Variants in ATRNL1 observed in about 807,000 individuals in gnomAD.
ATRNL1 encodes attractin like 1.
In ATRNL1, 95 loss-of-function variants were observed where a neutral mutation model predicts 182.7. The ratio of observed to expected loss-of-function variants is 0.52; its 90% CI spans 0.44 to 0.62. The LOEUF (loss-of-function observed/expected upper bound fraction) is 0.62. ATRNL1 is among the 20% of genes least tolerant of loss of function. The pLI is 0.00. For synonymous variants in ATRNL1, 576 were observed against 568.3 expected (o/e 1.01, Z -0.19); for missense variants, 1,471 against 1,679.5 (o/e 0.88, Z 2.17).
At chr10:115,122,895 T>G (rs782629731) in intron 3 of ATRNL1, among the ~76,000 whole-genome samples, 16 of 152,178 alleles carry the variant, frequency 1.1e-4, no homozygotes, top group Non-Finnish European at 2.1e-4. Context: ...TAAGATAATT[T>G]ATTGTAACAA....
At chr10:115,599,893 G>A (rs1463978789) in intron 26 of ATRNL1, among the ~76,000 whole-genome samples, 2 of 152,128 alleles carry the variant, frequency 1.3e-5, no homozygotes, top group African/African-American at 2.4e-5. Context: ...TTGGACAAAT[G>A]TATGTATCCA....
chr10:115,700,516 T>C (rs1239073230), intron 26 of ATRNL1, among the ~76,000 whole-genome samples: 1 of 152,180 alleles, frequency 6.6e-6, no homozygotes, highest in Non-Finnish European at 1.5e-5. Flanking sequence ...TGTCTGTTCA[T>C]GTCTTTTGCC....
Position 115,295,746 on chromosome 10 carries a change from G to A in ATRNL1, c.2416-4288G>A, listed in dbSNP as rs115780432. ...ACTGCCAGAACATTCCTTTGGCTCA[G>A]AAGTGCAGTGGTGGGGATTGGTTTC... On this transcript the variant is annotated intron_variant, in intron 15 of 28. Coordinates refer to ENST00000355044, the MANE Select transcript of ATRNL1 (RefSeq NM_207303.4). Among the ~76,000 whole-genome samples the A allele has an allele frequency of 5.4e-3, 821 of 152,246 alleles. 3 individuals are homozygous for A. Among genetic ancestry groups the A allele is most frequent in the African/African-American group, 0.013 (560 of 41,542 alleles).
At chr10:115,825,720 A>G (rs1950415369) in intron 27 of ATRNL1, among the ~76,000 whole-genome samples, 1 of 152,150 alleles carries the variant, frequency 6.6e-6, no homozygotes, top group Non-Finnish European at 1.5e-5. Context: ...CTTCCCAAAC[A>G]TTAATAAATA....
chr10:115,521,226 T>C (rs1006585217), intron 25 of ATRNL1, among the ~76,000 whole-genome samples: 1 of 151,968 alleles, frequency 6.6e-6, no homozygotes, highest in Non-Finnish European at 1.5e-5. Context: ...CTATTTCGGC[T>C]CACTGCAACC....
At chr10:115,547,051 C>T (rs1476016423) in intron 25 of ATRNL1, among the ~76,000 whole-genome samples, 5 of 151,802 alleles carry the variant, frequency 3.3e-5, no homozygotes, top group Non-Finnish European at 7.4e-5. Context: ...GTCATGAGTT[C>T]GAGTGCAGCC....
At chr10:115,874,089 A>T (rs375652330) in intron 28 of ATRNL1, among the ~76,000 whole-genome samples, 2 of 152,136 alleles carry the variant, frequency 1.3e-5, no homozygotes, top group Admixed American at 1.3e-4. Flanking sequence ...ACAGCTCTTC[A>T]TGCTTGTCAA....
chr10:115,544,513 G>T (rs910328762), intron 25 of ATRNL1, among the ~76,000 whole-genome samples: 3 of 152,144 alleles, frequency 2.0e-5, no homozygotes, highest in Non-Finnish European at 4.4e-5. Context: ...TTGTCACATG[G>T]CGAAAGCAGG....
chr10:115,266,466 CA>C (rs1377526461), intron 11 of ATRNL1, among the ~76,000 whole-genome samples: 1 of 151,358 alleles, frequency 6.6e-6, no homozygotes, highest in Non-Finnish European at 1.5e-5. Flanking sequence ...ATTTTTCTGA[CA>C]AAGGAATATT....
intron 25 of ATRNL1, among the ~76,000 whole-genome samples, chr10:115,528,627 T>C (rs1554987345): frequency 6.6e-6 from 1 of 152,052 alleles, no homozygotes. Context: ...ATTTTCTCTA[T>C]TGTTTATCTT....
chr10:115,579,823 T>A (rs868906569), intron 26 of ATRNL1, among the ~76,000 whole-genome samples: 61 of 152,110 alleles, frequency 4.0e-4, no homozygotes, highest in Middle Eastern at 6.8e-3. Context: ...TTCCTGCCTC[T>A]TTTTTATTGT....
chr10:115,770,598 T>A (rs910607739), intron 27 of ATRNL1, among the ~76,000 whole-genome samples: 1 of 152,132 alleles, frequency 6.6e-6, no homozygotes, highest in Non-Finnish European at 1.5e-5. Context: ...CATGCAAAAA[T>A]TGAAGTTGAG....
chr10:115,238,815 C>T (rs1476640460), intron 9 of ATRNL1, among the ~76,000 whole-genome samples: 2 of 152,120 alleles, frequency 1.3e-5, no homozygotes, highest in Non-Finnish European at 2.9e-5. Context: ...AACATCCTTG[C>T]CTTATTCCTT....
intron 27 of ATRNL1, among the ~76,000 whole-genome samples, chr10:115,807,105 C>CTT (rs1225755867): frequency 1.9e-4 from 26 of 140,072 alleles, no homozygotes; most frequent in African/African-American, 5.7e-4. Context: ...TACTCAGGTA[C>CTT]TTTTTTTTTT....
intron 24 of ATRNL1, among the ~76,000 whole-genome samples, chr10:115,480,554 A>G (rs2134610133): frequency 6.6e-6 from 1 of 150,988 alleles, no homozygotes; most frequent in Non-Finnish European, 1.5e-5. Flanking sequence ...TATCAGTTAA[A>G]GATGTATTAA....
At chr10:115,923,189 A>G (rs1953119548) in intron 28 of ATRNL1, among the ~76,000 whole-genome samples, 1 of 152,204 alleles carries the variant, frequency 6.6e-6, no homozygotes, top group South Asian at 2.1e-4. Flanking sequence ...CAACATCTTC[A>G]TGTAACCCAG....
intron 1 of ATRNL1, among the ~76,000 whole-genome samples, chr10:115,100,025 C>T (rs1554864203): frequency 6.6e-6 from 1 of 152,126 alleles, no homozygotes; most frequent in Non-Finnish European, 1.5e-5. Flanking sequence ...GGTACTGTGG[C>T]TCATGTGTGT....
chr10:115,392,855 A>T (rs1388111271), intron 19 of ATRNL1, among the ~76,000 whole-genome samples: 3 of 152,178 alleles, frequency 2.0e-5, no homozygotes, highest in Non-Finnish European at 4.4e-5. Flanking sequence ...TATTAAGTAG[A>T]TGCTGGCTAG....
At chr10:115,925,519 C>G (rs1463280744) in intron 28 of ATRNL1, among the ~76,000 whole-genome samples, 4 of 151,876 alleles carry the variant, frequency 2.6e-5, no homozygotes, top group African/African-American at 9.7e-5. Flanking sequence ...AGACCCATCT[C>G]ATGTGCAAAG....
Sources: allele counts gnomAD v4.1 joint callset (sites outside exome capture counted in the v4.1 genomes callset), GRCh38; gene constraint gnomAD v4.1.1; transcripts MANE v1.5; gene names NCBI Gene and HGNC (gene_info 2026-07-23, HGNC 2026-07-21).